The following ZNF723 variants were observed in gnomAD, a reference collection of about 807,000 sequenced individuals.
The protein encoded by ZNF723 is zinc finger protein 723, pseudogene.
Under a neutral mutation model 9.4 loss-of-function variants are expected in ZNF723, and 5 were observed. The observed-to-expected ratio is 0.53, with a 90% CI of 0.28 to 1.12. The LOEUF (loss-of-function observed/expected upper bound fraction) is 1.12. Among genes scored for constraint, ZNF723 ranks in the 50% most tolerant of loss-of-function variants. ZNF723 has a pLI of 0.10. For synonymous variants in ZNF723, 158 were observed against 168.8 expected (o/e 0.94, Z 0.49); for missense variants, 450 against 501.5 (o/e 0.90, Z 0.98).
At chr19:22,813,818 G>GT in the ZNF723 span, among the ~76,000 whole-genome samples, 29,769 of 144,072 alleles carry the variant, frequency 0.21, 2,922 homozygotes, top group East Asian at 0.26. Context: ...AAACTTTTTT[G>GT]TTTTTTTTTT....
intron 1 of ZNF723, chr19:22,840,804 C>A (rs1967233883): frequency 6.6e-6 from 1 of 152,242 alleles, no homozygotes; most frequent in South Asian, 2.1e-4. Flanking sequence ...TCCAGCAGTA[C>A]TTTTTTCATG....
intron 2 of ZNF723, among the ~76,000 whole-genome samples, chr19:22,848,684 T>C (rs1320652393): frequency 1.3e-5 from 2 of 152,114 alleles, no homozygotes; most frequent in Admixed American, 6.6e-5. Context: ...AACATCTAAG[T>C]GTCACCACCA....
At chr19:22,816,701 C>G in the ZNF723 span, among the ~76,000 whole-genome samples, 1 of 152,258 alleles carries the variant, frequency 6.6e-6, no homozygotes, top group South Asian at 2.1e-4. Flanking sequence ...AATCTACACT[C>G]TTGTCTTGGT....
chr19:22,839,074 C>T (rs1379631847), intron 1 of ZNF723, among the ~76,000 whole-genome samples: 1 of 151,948 alleles, frequency 6.6e-6, no homozygotes, highest in African/African-American at 2.4e-5. Context: ...CTTCATGTTG[C>T]CTTGGCTGTT....
At chr19:22,834,426 G>A (rs1043130440) in intron 1 of ZNF723, among the ~76,000 whole-genome samples, 2 of 149,222 alleles carry the variant, frequency 1.3e-5, no homozygotes, top group African/African-American at 4.9e-5. Flanking sequence ...GAACGTTTTG[G>A]GGTAATTTTT....
chr19:22,850,162 A>G (rs1239915021), intron 3 of ZNF723, among the ~76,000 whole-genome samples: 2 of 145,050 alleles, frequency 1.4e-5, no homozygotes, highest in Non-Finnish European at 3.0e-5. Flanking sequence ...TTGAAGTTTT[A>G]TGTAAATTTT....
Position 22,857,780 on chromosome 19 carries a change from T to C in ZNF723, c.889T>C (p.Phe297Leu). The change falls in exon 4 of 4, where the codon TTC becomes CTC. Residue 297 changes from phenylalanine (F) to leucine (L), a missense_variant. By Grantham distance (22) the Phe-to-Leu change is conservative. Transcript: ENST00000600766. ...CKECGKAFNVFSSLNNHKRIH... is the reference protein window; with the variant it reads ...CKECGKAFNVLSSLNNHKRIH... ...AGAATGTGGCAAAGCCTTTAATGTG[T>C]TCTCAAGCCTTAATAATCATAAGAG... is the stretch of plus-strand genomic sequence containing the variant. 2 of 1,323,656 alleles carry C rather than the reference T, an allele frequency of 1.5e-6. No homozygotes were observed. The highest frequency in any genetic ancestry group is 2.2e-6 in the Non-Finnish European group (2 of 917,216). The allele number at this position is 1,323,656 out of a possible 1,614,324, so 82.0% of individuals were successfully genotyped here. A position where few individuals can be genotyped will look rare whatever the true frequency, so the allele number is the denominator to read the frequency against.
At chr19:22,819,073 C>T in the ZNF723 span, among the ~76,000 whole-genome samples, 1 of 151,874 alleles carries the variant, frequency 6.6e-6, no homozygotes, top group African/African-American at 2.4e-5. Flanking sequence ...TAGGTCCTGC[C>T]TGTAGGGGAG....
At chr19:22,852,964 A>G (rs920283858) in intron 3 of ZNF723, among the ~76,000 whole-genome samples, 2 of 151,836 alleles carry the variant, frequency 1.3e-5, no homozygotes, top group African/African-American at 4.8e-5. Context: ...ATAGTTGTTA[A>G]GAATATTTTC....
At chr19:22,827,209 T>A in the ZNF723 span, among the ~76,000 whole-genome samples, 18 of 152,236 alleles carry the variant, frequency 1.2e-4, no homozygotes, top group African/African-American at 4.3e-4. Flanking sequence ...TTCTTTTGAT[T>A]ACTTACTGGA....
At chr19:22,841,673 T>G (rs571849452) in intron 1 of ZNF723, among the ~76,000 whole-genome samples, 1 of 152,260 alleles carries the variant, frequency 6.6e-6, no homozygotes, top group South Asian at 2.1e-4. Flanking sequence ...TTCACCTCTT[T>G]TAGTGACTGT....
chr19:22,840,571 G>A (rs1250794544), intron 1 of ZNF723: 2 of 152,098 alleles, frequency 1.3e-5, no homozygotes, highest in African/African-American at 4.8e-5. Flanking sequence ...ATTTTCTGGT[G>A]GACTTGATCA....
chr19:22,814,540 T>C, the ZNF723 span, among the ~76,000 whole-genome samples: 23 of 152,272 alleles, frequency 1.5e-4, 1 homozygote, highest in South Asian at 4.3e-3. Context: ...CTGACTCCAC[T>C]AGGGGAACAC....
intron 3 of ZNF723, among the ~76,000 whole-genome samples, chr19:22,853,161 T>C (rs1967421625): frequency 6.6e-6 from 1 of 152,136 alleles, no homozygotes; most frequent in African/African-American, 2.4e-5. Flanking sequence ...TGCTGCATTC[T>C]CTTTTATTAT....
intron 1 of ZNF723, among the ~76,000 whole-genome samples, chr19:22,841,927 C>T (rs180981745): frequency 2.0e-5 from 3 of 152,254 alleles, no homozygotes; most frequent in African/African-American, 7.2e-5. Context: ...GAATGCAAGT[C>T]CTTTTAGTTG....
chr19:22,844,933 T>C (rs12975000), intron 1 of ZNF723, among the ~76,000 whole-genome samples: 31,970 of 151,962 alleles, frequency 0.21, 4,007 homozygotes, highest in African/African-American at 0.35. Flanking sequence ...CTGGCTAACA[T>C]GGTGAAACCC....
the ZNF723 span, among the ~76,000 whole-genome samples, chr19:22,824,837 C>A: frequency 6.6e-6 from 1 of 152,168 alleles, no homozygotes; most frequent in East Asian, 1.9e-4. Flanking sequence ...CTGAACCCAA[C>A]TGACAGGTGT....
the ZNF723 span, among the ~76,000 whole-genome samples, chr19:22,822,110 CA>C: frequency 3.8e-4 from 57 of 151,858 alleles, no homozygotes; most frequent in African/African-American, 1.3e-3. Context: ...GACTCCATCT[CA>C]AAAAAAATTA....
chr19:22,825,358 T>C, the ZNF723 span, among the ~76,000 whole-genome samples: 3 of 152,354 alleles, frequency 2.0e-5, no homozygotes, highest in Admixed American at 6.5e-5. Flanking sequence ...CTCTCATAAC[T>C]AAAGCTGAGA....
Sources: allele counts gnomAD v4.1 joint callset (sites outside exome capture counted in the v4.1 genomes callset), GRCh38; gene constraint gnomAD v4.1.1; transcripts MANE v1.5; gene names NCBI Gene and HGNC (gene_info 2026-07-23, HGNC 2026-07-21).